SNPH: variants seen among roughly 807,000 people sequenced by gnomAD.
SNPH encodes the protein syntaphilin.
Under a neutral mutation model 36.8 loss-of-function variants are expected in SNPH, and 10 were observed. The observed-to-expected ratio is 0.27, with a 90% CI of 0.17 to 0.46. The LOEUF (loss-of-function observed/expected upper bound fraction) is 0.46. Ranked by LOEUF, SNPH falls within the 20% of genes least tolerant of loss-of-function variation. The pLI is 1.00. For synonymous variants in SNPH, 281 were observed against 312.2 expected (o/e 0.90, Z 1.05); for missense variants, 622 against 744.0 (o/e 0.84, Z 1.91).
chr20:1,288,940 G>A (rs1044318893), intron 2 of SNPH, among the ~76,000 whole-genome samples: 6 of 152,014 alleles, frequency 3.9e-5, no homozygotes, highest in African/African-American at 9.7e-5. Flanking sequence ...CTTTTTAAAC[G>A]ACTCTCTGTA....
At chr20:1,301,270 G>C (rs1421103669) in intron 6 of SNPH, among the ~76,000 whole-genome samples, 1 of 152,060 alleles carries the variant, frequency 6.6e-6, no homozygotes, top group African/African-American at 2.4e-5. Flanking sequence ...AGCCCCCGCA[G>C]GCCGTCTGAG....
intron 5 of SNPH, among the ~76,000 whole-genome samples, chr20:1,300,188 C>CT (rs1327489377): frequency 6.6e-6 from 1 of 152,226 alleles, no homozygotes; most frequent in Non-Finnish European, 1.5e-5. Context: ...GCTAACCTCT[C>CT]TGAGGCCAGC....
Position 1,266,835 on chromosome 20 carries a change from C to T in SNPH, c.-493+75C>T, listed in dbSNP as rs1398932804. 3.1e-6 allele frequency: 4 copies of T among 1,303,636 alleles called. No individual in the cohort carries two copies. Among genetic ancestry groups the T allele is most frequent in the African/African-American group, 1.5e-5 (1 of 64,584 alleles). The allele number at this position is 1,303,636 out of a possible 1,614,324, so 80.8% of individuals were successfully genotyped here. On this transcript the variant is annotated intron_variant, in intron 2 of 6. Coordinates refer to ENST00000381867, the MANE Select transcript of SNPH (RefSeq NM_001318234.2). This position sits in a 1 kb window ranked among gnomAD's most constrained non-coding sequence, Gnocchi z 6.0. ...CAGGTGGGGGCCGCTTGCAACCGCT[C>T]GCTGCGGTAGAATCCCTTGGAGGGC...
chr20:1,272,301 G>C (rs1211406478), intron 2 of SNPH, among the ~76,000 whole-genome samples: 1 of 152,136 alleles, frequency 6.6e-6, no homozygotes, highest in East Asian at 1.9e-4. Flanking sequence ...TGTCTCCTAA[G>C]GTCATTAGGA....
At chr20:1,288,575 G>A (rs1365914387) in intron 2 of SNPH, among the ~76,000 whole-genome samples, 1 of 152,034 alleles carries the variant, frequency 6.6e-6, no homozygotes, top group Non-Finnish European at 1.5e-5. Context: ...GAGGAACAGG[G>A]AAAGTCACTA....
intron 2 of SNPH, among the ~76,000 whole-genome samples, chr20:1,273,815 G>A (rs553687312): frequency 1.3e-5 from 2 of 152,270 alleles, no homozygotes; most frequent in East Asian, 1.9e-4. Context: ...CAACCAATCC[G>A]GGCCCACTTA....
At chr20:1,275,836 C>T (rs896862046) in intron 2 of SNPH, among the ~76,000 whole-genome samples, 27 of 152,306 alleles carry the variant, frequency 1.8e-4, no homozygotes, top group African/African-American at 6.3e-4. Context: ...ACGTGTTCTA[C>T]CCCAAGTCAG....
In SNPH at chr20:1,308,228, T is replaced by TAGAGAAGCCACCTGTGGA. The variant is rs1374325176; in HGVS notation, c.*2174_*2175insAGAGAAGCCACCTGTGGA. 1 of 153,454 alleles carries TAGAGAAGCCACCTGTGGA rather than the reference T, an allele frequency of 6.5e-6. No individual in the cohort carries two copies. Among genetic ancestry groups the TAGAGAAGCCACCTGTGGA allele is most frequent in the East Asian group, 1.9e-4 (1 of 5,202 alleles). 9.5% of individuals were successfully genotyped at this position (153,454 alleles called of 1,614,324 possible). A position where few individuals can be genotyped will look rare whatever the true frequency, so the allele number is the denominator to read the frequency against. ...AAGCCACCTGTGGAGGACTGGGCTG[T>TAGAGAAGCCACCTGTGGA]GGTTGGGCCTGAGGCCTGTGGAGGA... On this transcript the variant is annotated 3_prime_UTR_variant, in exon 7 of 7. Transcript: ENST00000381867.
At chr20:1,300,499 G>A (rs2088492646) in intron 5 of SNPH, 63 bp from the exon 6 acceptor site, 2 of 1,594,292 alleles carry the variant, frequency 1.3e-6, no homozygotes, top group Admixed American at 3.4e-5. Context: ...CTCCCCAGAG[G>A]TAAAGCACCT....
chr20:1,301,209 A>T (rs765622291), intron 6 of SNPH, among the ~76,000 whole-genome samples: 19 of 152,138 alleles, frequency 1.2e-4, no homozygotes, highest in Non-Finnish European at 7.3e-5. Context: ...GTGGAGGATG[A>T]TGATGAGAAG....
Position 1,300,061 on chromosome 20 carries a change from A to G in SNPH, c.291-501A>G, listed in dbSNP as rs140268726. Among the ~76,000 whole-genome samples the G allele has an allele frequency of 4.1e-3, 620 of 152,290 alleles. 12 individuals carry two copies. The highest frequency in any genetic ancestry group is 0.012 in the East Asian group (64 of 5,174). ...GAGTCCTTGTCTGCCATGCAGACCC[A>G]GCATCTGCCACTTACACCTCAGTTT... On this transcript the variant is annotated intron_variant, in intron 5 of 6. Coordinates refer to ENST00000381867, the MANE Select transcript of SNPH (RefSeq NM_001318234.2).
At chr20:1,302,602 A>C (rs1277715826) in intron 6 of SNPH, among the ~76,000 whole-genome samples, 1 of 151,758 alleles carries the variant, frequency 6.6e-6, no homozygotes, top group East Asian at 1.9e-4. Context: ...ACCTCAAAAT[A>C]AACCCCATTC....
rs1359734952 is a variant in SNPH, at chr20:1,306,796, T to C, written c.*742T>C. On this transcript the variant is annotated 3_prime_UTR_variant, in exon 7 of 7. Transcript: ENST00000381867. The stretch of plus-strand genomic sequence containing the variant: ...GCACTTCTGGGTGTGTCAGTCATTA[T>C]TCCTGTGAGGTAGCTAAGCCCGGCA... 1 of 152,518 alleles carries C rather than the reference T, an allele frequency of 6.6e-6. No homozygotes were observed. Among genetic ancestry groups the C allele is most frequent in the Non-Finnish European group, 1.5e-5 (1 of 68,264 alleles). The allele number at this position is 152,518 out of a possible 1,614,324, so 9.4% of individuals were successfully genotyped here. A position where few individuals can be genotyped will look rare whatever the true frequency, so the allele number is the denominator to read the frequency against.
intron 2 of SNPH, among the ~76,000 whole-genome samples, chr20:1,282,356 C>G (rs1200668347): frequency 6.6e-6 from 1 of 152,184 alleles, no homozygotes; most frequent in Non-Finnish European, 1.5e-5. Flanking sequence ...ACAGACCCAT[C>G]AAATGGAATA....
rs950539013 is a variant in SNPH, at chr20:1,292,086, T to C, written c.-492-2865T>C. Among the ~76,000 whole-genome samples, 49 of 152,198 alleles carry C rather than the reference T, an allele frequency of 3.2e-4. 5 individuals are homozygous for C. ...CTATTCAATGTGCTTGTTTAAACCA[T>C]TGTATTACCAACAGTTGTGTGTTGA... On this transcript the variant is annotated intron_variant, in intron 2 of 6. Coordinates refer to ENST00000381867, the MANE Select transcript of SNPH (RefSeq NM_001318234.2).
rs1484660017 is a variant in SNPH, at chr20:1,266,564, C to G, written c.-599-90C>G. 7.2e-7 allele frequency: 1 copy of G among 1,392,274 alleles called. No individual in the cohort carries two copies. The highest frequency in any genetic ancestry group is 9.3e-7 in the Non-Finnish European group (1 of 1,077,914). 86.2% of individuals were successfully genotyped at this position (1,392,274 alleles called of 1,614,324 possible). A position where few individuals can be genotyped will look rare whatever the true frequency, so the allele number is the denominator to read the frequency against. ...CTCCAAGCCTTCTGGCTGCAGCGGC[C>G]CAGCTGTCAGCGGCCGGGGGCTCAG... On this transcript the variant is annotated intron_variant, in intron 1 of 6. Transcript: ENST00000381867. This position sits in a 1 kb window ranked among gnomAD's most constrained non-coding sequence, Gnocchi z 6.0.
rs1223547274 is a variant in SNPH at position 1,309,070 on chromosome 20, A to G, written c.*3016A>G. ...CAGCACTTTGGGGAGGGGTGGGACA[A>G]ACTGCAAGGTTCTGGGGCCAAGGCC... is the stretch of plus-strand genomic sequence containing the variant. On this transcript the variant is annotated 3_prime_UTR_variant, in exon 7 of 7. Coordinates refer to ENST00000381867, the MANE Select transcript of SNPH (RefSeq NM_001318234.2). 4 of 152,328 alleles carry G rather than the reference A, an allele frequency of 2.6e-5. No homozygotes were observed. The highest frequency in any genetic ancestry group is 9.7e-5 in the African/African-American group (4 of 41,402). The allele number at this position is 152,328 out of a possible 1,614,324, so 9.4% of individuals were successfully genotyped here.
At position 1,266,619 on chromosome 20, in the gene SNPH, C is replaced by G. The variant is rs537956886; in HGVS notation, c.-599-35C>G. ...CTGGGTGTTCCCCGCCCGCGCTCAC[C>G]CGCCCCGGTCTATCTCTTTTTCCTA... On this transcript the variant is annotated intron_variant, in intron 1 of 6. Transcript: ENST00000381867. This position sits in a 1 kb window ranked among gnomAD's most constrained non-coding sequence, Gnocchi z 6.0. 861 of 1,464,832 alleles carry G rather than the reference C, an allele frequency of 5.9e-4. 10 individuals carry two copies. The African/African-American group carries it at 0.011, about 18-fold the overall frequency. The allele number at this position is 1,464,832 out of a possible 1,614,324, so 90.7% of individuals were successfully genotyped here. A position where few individuals can be genotyped will look rare whatever the true frequency, so the allele number is the denominator to read the frequency against.
rs2088399645 is a variant in SNPH at position 1,294,238 on chromosome 20, A to T, written c.-492-713A>T. Among the ~76,000 whole-genome samples the T allele has an allele frequency of 1.3e-5, 2 of 152,230 alleles. No homozygotes were observed. The highest frequency in any genetic ancestry group is 4.1e-4 in the South Asian group (2 of 4,836). On this transcript the variant is annotated intron_variant, in intron 2 of 6. Coordinates refer to ENST00000381867, the MANE Select transcript of SNPH (RefSeq NM_001318234.2). The surrounding 1 kb of genome is among the most constrained non-coding windows in gnomAD (Gnocchi z 4.4). ...GATTGCTGCTTCAAGTAATGGGCCA[A>T]GGCAGACGAGAGCACTCAGCATGGC...
Sources: allele counts gnomAD v4.1 joint callset (sites outside exome capture counted in the v4.1 genomes callset), GRCh38; gene constraint gnomAD v4.1.1; non-coding constraint Gnocchi (gnomAD v3.1); transcripts MANE v1.5; gene names NCBI Gene and HGNC (gene_info 2026-07-23, HGNC 2026-07-21).